Variants in CNNM2 observed in about 807,000 individuals in gnomAD.
CNNM2 encodes cyclin and CBS domain divalent metal cation transport mediator 2, also known as metal transporter CNNM2.
A neutral mutation model predicts 66.9 loss-of-function variants in CNNM2; 12 were observed. The observed-to-expected ratio is 0.18, with a 90% CI of 0.11 to 0.29. The LOEUF (loss-of-function observed/expected upper bound fraction) is 0.29, where lower values mean the gene tolerates loss of function less well. CNNM2 is among the 10% of genes least tolerant of loss of function. The probability of loss-of-function intolerance (pLI) is 1.00; values close to 1 mark genes in which losing one functional copy is unlikely to be tolerated. For synonymous variants in CNNM2, 557 were observed against 501.8 expected (o/e 1.11, Z -1.47); for missense variants, 705 against 1,167.7 (o/e 0.60, Z 5.77).
At chr10:103,000,699 C>A (rs765414975) in intron 1 of CNNM2, among the ~76,000 whole-genome samples, 3 of 152,144 alleles carry the variant, frequency 2.0e-5, no homozygotes, top group African/African-American at 7.2e-5. Context: ...ACTGACTTGG[C>A]CTCCCAAAGT....
chr10:103,054,203 A>C lies in CNNM2; in HGVS notation c.1766-126A>C, dbSNP rs1239695366. ...CCCTCCTTCCCCGTGGCATCTGTGC[A>C]TAGAGCGCCTGCATCTGGAAATACA... On this transcript the variant is annotated intron_variant, in intron 2 of 7. Coordinates refer to ENST00000369878, the MANE Select transcript of CNNM2 (RefSeq NM_017649.5). This position sits in a 1 kb window ranked among gnomAD's most constrained non-coding sequence, Gnocchi z 5.2. 13 of 1,082,298 alleles carry C rather than the reference A, an allele frequency of 1.2e-5. No homozygotes were observed. The Admixed American group carries it at 1.5e-4, about 12-fold the overall frequency. The allele number at this position is 1,082,298 out of a possible 1,614,324, so 67.0% of individuals were successfully genotyped here.
chr10:103,052,052 G>T (rs945037383), intron 2 of CNNM2, among the ~76,000 whole-genome samples: 1 of 152,120 alleles, frequency 6.6e-6, no homozygotes, highest in South Asian at 2.1e-4. Flanking sequence ...CGAGGCAGGC[G>T]GATCATGAGG....
chr10:102,944,581 C>CGTGTGTGT lies in CNNM2; in HGVS notation c.1621+24509_1621+24516dup, dbSNP rs148795286. ...ATATTTTGCCATATTTGTATCTTTTCGTGTGTGTGTGTGTGTGTGTGTGTG... is the reference window on the plus strand; with the variant it reads ...ATATTTTGCCATATTTGTATCTTTTCGTGTGTGTGTGTGTGTGTGTGTGTGTGTGTGTG... On this transcript the variant is annotated intron_variant, in intron 1 of 7. Coordinates refer to ENST00000369878, the MANE Select transcript of CNNM2 (RefSeq NM_017649.5). Among the ~76,000 whole-genome samples the CGTGTGTGT allele has an allele frequency of 0.069, 9,867 of 143,394 alleles. 404 individuals carry two copies. Among genetic ancestry groups the CGTGTGTGT allele is most frequent in the Non-Finnish European group, 0.089 (5,859 of 66,102 alleles). The allele number at this position is 143,394 out of a possible 152,430, so 94.1% of individuals were successfully genotyped here.
intron 1 of CNNM2, among the ~76,000 whole-genome samples, chr10:103,010,244 T>A (rs1045743098): frequency 6.6e-6 from 1 of 152,104 alleles, no homozygotes; most frequent in Non-Finnish European, 1.5e-5. Flanking sequence ...TTTTTTTTAT[T>A]TTTTTCCCCT....
intron 1 of CNNM2, among the ~76,000 whole-genome samples, chr10:102,953,715 A>G (rs902254752): frequency 7.3e-5 from 11 of 151,620 alleles, no homozygotes; most frequent in East Asian, 3.9e-4. Context: ...ACGTGCCACC[A>G]TGTCTGGCTA....
intron 1 of CNNM2, among the ~76,000 whole-genome samples, chr10:103,021,139 G>A (rs1411573916): frequency 1.3e-5 from 2 of 152,158 alleles, no homozygotes; most frequent in Admixed American, 6.5e-5. Context: ...CAAGGCGGGA[G>A]AGAAGGCAGT....
At chr10:102,989,177 G>A (rs1446709332) in intron 1 of CNNM2, among the ~76,000 whole-genome samples, 1 of 152,152 alleles carries the variant, frequency 6.6e-6, no homozygotes, top group East Asian at 1.9e-4. Context: ...ATTTAGATAA[G>A]CAAACTACTG....
intron 1 of CNNM2, among the ~76,000 whole-genome samples, chr10:103,036,821 C>G (rs2064948261): frequency 6.6e-6 from 1 of 152,120 alleles, no homozygotes; most frequent in Admixed American, 6.6e-5. Flanking sequence ...AGCATAAGGG[C>G]CACTGTCAAT....
intron 1 of CNNM2, among the ~76,000 whole-genome samples, chr10:102,975,232 A>G (rs1440439588): frequency 6.6e-6 from 1 of 152,244 alleles, no homozygotes; most frequent in African/African-American, 2.4e-5. Context: ...ACAAGTGTTC[A>G]CTTTTCCTCA....
rs1405696584 is a variant in CNNM2 at position 103,084,764 on chromosome 10, A to C, written c.*7584A>C. 6.6e-6 allele frequency: 1 copy of C among 152,190 alleles called. No individual in the cohort carries two copies. Among genetic ancestry groups the C allele is most frequent in the Non-Finnish European group, 1.5e-5 (1 of 68,030 alleles). The allele number at this position is 152,190 out of a possible 1,614,324, so 9.4% of individuals were successfully genotyped here. A position where few individuals can be genotyped will look rare whatever the true frequency, so the allele number is the denominator to read the frequency against. On this transcript the variant is annotated 3_prime_UTR_variant, in exon 8 of 8. Transcript: ENST00000369878. Reference sequence around the variant, plus strand: ...TTGTGCTCCCTAGAGCCGTTTTTCAACTCGGCACTTCTGAGGAAACAAATA... The same window carrying C: ...TTGTGCTCCCTAGAGCCGTTTTTCACCTCGGCACTTCTGAGGAAACAAATA...
intron 1 of CNNM2, among the ~76,000 whole-genome samples, chr10:102,940,477 G>C (rs1846388404): frequency 1.3e-5 from 2 of 149,762 alleles, no homozygotes; most frequent in Admixed American, 6.7e-5. Context: ...GGAGTGCACT[G>C]GCGCAATCTC....
At chr10:103,009,447 T>G (rs1171525216) in intron 1 of CNNM2, among the ~76,000 whole-genome samples, 4 of 152,002 alleles carry the variant, frequency 2.6e-5, no homozygotes, top group African/African-American at 9.7e-5. Context: ...GTCACAGCAC[T>G]TTGGGAAGCC....
intron 1 of CNNM2, among the ~76,000 whole-genome samples, chr10:102,983,975 C>T (rs994746633): frequency 1.3e-5 from 2 of 149,992 alleles, no homozygotes; most frequent in African/African-American, 2.5e-5. Context: ...GGGCTGGTCT[C>T]GAACTCCTGA....
At position 103,089,153 on chromosome 10, in the gene CNNM2, A is replaced by C. The variant is rs2066084970; in HGVS notation, c.*11973A>C. ...AGCCTTGCCAGAGTCACTGAGGATGAATTAAAGGCTTATAAAAGAAAACTT... is the reference window on the plus strand; with the variant it reads ...AGCCTTGCCAGAGTCACTGAGGATGCATTAAAGGCTTATAAAAGAAAACTT... On this transcript the variant is annotated 3_prime_UTR_variant, in exon 8 of 8. Transcript: ENST00000369878. 4.4e-6 allele frequency: 1 copy of C among 226,888 alleles called. No homozygotes were observed. The highest frequency in any genetic ancestry group is 8.8e-6 in the Non-Finnish European group (1 of 114,196). 14.1% of individuals were successfully genotyped at this position (226,888 alleles called of 1,614,324 possible).
intron 1 of CNNM2, among the ~76,000 whole-genome samples, chr10:103,032,653 A>T (rs2064850060): frequency 7.3e-6 from 1 of 136,968 alleles, no homozygotes; most frequent in Non-Finnish European, 1.5e-5. Flanking sequence ...ATAACAATTG[A>T]TGTAGCTCTT....
chr10:103,089,590 G>C lies in CNNM2; in HGVS notation c.*12410G>C. On this transcript the variant is annotated 3_prime_UTR_variant, in exon 8 of 8. Coordinates refer to ENST00000369878, the MANE Select transcript of CNNM2 (RefSeq NM_017649.5). ...TGGAGCCCCCTCCCTCCCCCGAGTAGAACCCTAACAGGGACCTCGTTTGTT... is the reference window on the plus strand; with the variant it reads ...TGGAGCCCCCTCCCTCCCCCGAGTACAACCCTAACAGGGACCTCGTTTGTT... 6.9e-7 allele frequency: 1 copy of C among 1,455,288 alleles called. No homozygotes were observed. Among genetic ancestry groups the C allele is most frequent in the Non-Finnish European group, 9.1e-7 (1 of 1,102,360 alleles). The allele number at this position is 1,455,288 out of a possible 1,614,324, so 90.1% of individuals were successfully genotyped here. A position where few individuals can be genotyped will look rare whatever the true frequency, so the allele number is the denominator to read the frequency against.
At chr10:103,071,650 C>T in intron 5 of CNNM2, 124 bp from the exon 6 acceptor site, 1 of 818,494 alleles carries the variant, frequency 1.2e-6, no homozygotes, top group Admixed American at 1.7e-5. Context: ...TACCGACTTG[C>T]ATTTCTGCAA....
At chr10:103,063,396 A>G (rs1045348304) in intron 4 of CNNM2, among the ~76,000 whole-genome samples, 7 of 152,182 alleles carry the variant, frequency 4.6e-5, no homozygotes, top group Non-Finnish European at 1.0e-4. Flanking sequence ...TTTAAAAAAC[A>G]AGAAGGTGAG....
chr10:102,935,293 G>A (rs1846199281), intron 1 of CNNM2, among the ~76,000 whole-genome samples: 1 of 151,676 alleles, frequency 6.6e-6, no homozygotes, highest in South Asian at 2.1e-4. Context: ...GGGAGACCCT[G>A]CCTCTACAGA....
Sources: gnomAD v4.1 joint callset for allele counts (sites outside exome capture counted in the v4.1 genomes callset) on GRCh38, gnomAD v4.1.1 for gene constraint, Gnocchi (gnomAD v3.1) non-coding constraint, MANE v1.5 for transcripts, NCBI Gene and HGNC (gene_info 2026-07-23, HGNC 2026-07-21) for gene names.